Variants in PRUNE2 observed in about 807,000 individuals in gnomAD.
PRUNE2 encodes protein prune homolog 2.
Under a neutral mutation model 252.0 loss-of-function variants are expected in PRUNE2, and 164 were observed. The ratio of observed to expected loss-of-function variants is 0.65; its 90% CI spans 0.57 to 0.74. PRUNE2 has a LOEUF of 0.74. Ranked by LOEUF, PRUNE2 falls within the 30% of genes least tolerant of loss-of-function variation. PRUNE2 has a pLI of 0.00. For missense variants in PRUNE2, 3,495 were observed against 3,711.0 expected, an observed-to-expected ratio of 0.94 and a Z score of 1.51; for synonymous variants, 1,292 against 1,350.2, an observed-to-expected ratio of 0.96 and a Z score of 0.94.
intron 4 of PRUNE2, among the ~76,000 whole-genome samples, chr9:76,843,983 C>G (rs1385479103): frequency 6.6e-6 from 1 of 152,216 alleles, no homozygotes; most frequent in Non-Finnish European, 1.5e-5. Context: ...CCTCCTCAGC[C>G]TCCCAAAGTG....
At chr9:76,776,937 C>CAG (rs1374469131) in intron 6 of PRUNE2, among the ~76,000 whole-genome samples, 1,346 of 128,604 alleles carry the variant, frequency 0.01, 35 homozygotes, top group African/African-American at 0.031. Flanking sequence ...CACACACACA[C>CAG]ACACACACAA....
rs2044781238 is a variant in PRUNE2, at chr9:76,691,923, G to T, written c.8276+11414C>A. ...CAGCTGGCAGCTGTCAGTTGCAAGG[G>T]GCTGGGCAGAATTCGGCATCCTCTC... On this transcript the variant is annotated intron_variant, in intron 9 of 18. Coordinates refer to ENST00000376718, the MANE Select transcript of PRUNE2 (RefSeq NM_015225.3). The T allele has an allele frequency of 1.4e-5, 9 of 626,578 alleles. No homozygotes were observed. The South Asian group carries it at 1.7e-4, about 12-fold the overall frequency. The allele number at this position is 626,578 out of a possible 1,614,324, so 38.8% of individuals were successfully genotyped here.
chr9:76,893,065 C>T (rs1036463282), intron 1 of PRUNE2, among the ~76,000 whole-genome samples: 1 of 152,128 alleles, frequency 6.6e-6, no homozygotes, highest in Admixed American at 6.5e-5. Flanking sequence ...CATAATGAGA[C>T]CTTGTCTCTA....
chr9:76,794,432 C>G lies in PRUNE2; in HGVS notation c.756+29200G>C, dbSNP rs111698663. Reference sequence around the variant, plus strand: ...GAGATCGAGGTCATCCTGGCCAACACAGTGAAACCCTGTCTCTACTAAAAA... The same window carrying G: ...GAGATCGAGGTCATCCTGGCCAACAGAGTGAAACCCTGTCTCTACTAAAAA... On this transcript the variant is annotated intron_variant, in intron 6 of 18. Transcript: ENST00000376718. Among the ~76,000 whole-genome samples the G allele has an allele frequency of 5.2e-3, 792 of 151,932 alleles. 9 individuals carry two copies. The highest frequency in any genetic ancestry group is 0.018 in the African/African-American group (741 of 41,466).
At chr9:76,853,525 G>A (rs540737834) in intron 2 of PRUNE2, among the ~76,000 whole-genome samples, 14 of 152,290 alleles carry the variant, frequency 9.2e-5, no homozygotes, top group African/African-American at 2.4e-4. Context: ...ATGCTTCACA[G>A]AATAGAAAGA....
chr9:76,816,840 G>T (rs991825538), intron 6 of PRUNE2, among the ~76,000 whole-genome samples: 1 of 152,008 alleles, frequency 6.6e-6, no homozygotes, highest in African/African-American at 2.4e-5. Flanking sequence ...CCACATCCTT[G>T]AATTCTAGAG....
At chr9:76,737,974 T>A (rs1419142223) in intron 6 of PRUNE2, 1 of 152,242 alleles carries the variant, frequency 6.6e-6, no homozygotes, top group African/African-American at 2.4e-5. Context: ...GCCTAAGACT[T>A]CTTCTTTTAA....
At chr9:76,750,378 G>A (rs2050508021) in intron 6 of PRUNE2, among the ~76,000 whole-genome samples, 1 of 152,170 alleles carries the variant, frequency 6.6e-6, no homozygotes, top group Non-Finnish European at 1.5e-5. Context: ...GGTAAACAGT[G>A]TCTGAATTTA....
At chr9:76,717,529 G>A (rs2047257017) in intron 6 of PRUNE2, among the ~76,000 whole-genome samples, 1 of 152,032 alleles carries the variant, frequency 6.6e-6, no homozygotes, top group Admixed American at 6.6e-5. Flanking sequence ...TTAGTTACAT[G>A]TATACAAATA....
intron 2 of PRUNE2, among the ~76,000 whole-genome samples, chr9:76,852,292 C>T (rs2060003937): frequency 1.3e-5 from 2 of 152,220 alleles, no homozygotes; most frequent in African/African-American, 4.8e-5. Context: ...GTTATTTTTC[C>T]TAATGAATGG....
chr9:76,715,877 A>G (rs1018867147), intron 6 of PRUNE2, among the ~76,000 whole-genome samples: 3 of 152,338 alleles, frequency 2.0e-5, no homozygotes, highest in African/African-American at 7.2e-5. Context: ...AAAAAAAGAT[A>G]TAGCCCTGAA....
At chr9:76,865,291 G>A (rs377094056) in intron 1 of PRUNE2, among the ~76,000 whole-genome samples, 5 of 152,138 alleles carry the variant, frequency 3.3e-5, no homozygotes, top group Admixed American at 6.5e-5. Context: ...TCAGGAGTTC[G>A]AGACCAGCCT....
chr9:76,692,000 T>C (rs931440466), intron 9 of PRUNE2: 1 of 707,256 alleles, frequency 1.4e-6, no homozygotes, highest in Non-Finnish European at 2.6e-6. Context: ...GATTAGTCTT[T>C]GAGAACAACA....
chr9:76,704,906 A>G lies in PRUNE2; in HGVS notation c.7368T>C (p.Ala2456=), dbSNP rs2046202046. 4 of 1,611,074 alleles carry G rather than the reference A, an allele frequency of 2.5e-6. No individual in the cohort carries two copies. Among genetic ancestry groups the G allele is most frequent in the Non-Finnish European group, 3.4e-6 (4 of 1,178,444 alleles). The change falls in exon 8 of 19, where the codon GCT becomes GCC. Residue 2456 remains alanine (A), a synonymous_variant. Transcript: ENST00000376718. ...CAGGGTCTTCACGAATATGCAGCAC[A>G]GCCAGCTGGGATCCAGGCAGTCTGT... ...TKNRLPGSQL[A]VLHIREDPES...
Position 76,706,822 on chromosome 9 carries a change from C to A in PRUNE2, c.5452G>T (p.Glu1818Ter), listed in dbSNP as rs374579115. The A allele has an allele frequency of 1.9e-6, 3 of 1,599,320 alleles. No homozygotes were observed. Among genetic ancestry groups the A allele is most frequent in the Non-Finnish European group, 2.6e-6 (3 of 1,172,976 alleles). Residue 1818 changes from glutamate (E) to a stop codon, truncating the protein, a stop_gained, in exon 8 of 19, where the codon GAA becomes TAA. Transcript: ENST00000376718. LOFTEE classifies it high-confidence loss of function. ...FPKNEDNSQL[E>*]MLGFSADSTE... Reference sequence around the variant, plus strand: ...CTATCAGCTGAGAAGCCCAGCATTTCCAGTTGAGAATTATCTTCGTTCTTT... The same window carrying A: ...CTATCAGCTGAGAAGCCCAGCATTTACAGTTGAGAATTATCTTCGTTCTTT...
rs1158480313 is a variant in PRUNE2 at position 76,717,563 on chromosome 9, T to A, written c.757-3842A>T. 2.0e-5 allele frequency among the ~76,000 whole-genome samples: 3 copies of A among 152,134 alleles called. No individual in the cohort carries two copies. The East Asian group carries it at 5.8e-4, about 29-fold the overall frequency. On this transcript the variant is annotated intron_variant, in intron 6 of 18. Coordinates refer to ENST00000376718, the MANE Select transcript of PRUNE2 (RefSeq NM_015225.3). ...TACTATTTGTTAATCTGCTCAAATG[T>A]CTCCAAAATGTTCCCCCCACTTAAA...
At position 76,849,465 on chromosome 9, in the gene PRUNE2, C is replaced by A. The variant is rs892992418; in HGVS notation, c.344+998G>T. On this transcript the variant is annotated intron_variant, in intron 3 of 18. Transcript: ENST00000376718. ...CAGTGTTTAATTTCAATTTTTAATACACATGTTTGGCATCAATACATAAGA... is the reference window on the plus strand; with the variant it reads ...CAGTGTTTAATTTCAATTTTTAATAAACATGTTTGGCATCAATACATAAGA... 1.0e-4 allele frequency among the ~76,000 whole-genome samples: 14 copies of A among 135,434 alleles called. 1 individual carries two copies. The highest frequency in any genetic ancestry group is 6.1e-5 in the Non-Finnish European group (4 of 65,058). 88.8% of individuals were successfully genotyped at this position (135,434 alleles called of 152,430 possible). A position where few individuals can be genotyped will look rare whatever the true frequency, so the allele number is the denominator to read the frequency against.
intron 6 of PRUNE2, among the ~76,000 whole-genome samples, chr9:76,790,564 C>T (rs2055453578): frequency 1.3e-5 from 2 of 152,196 alleles, no homozygotes; most frequent in South Asian, 4.1e-4. Context: ...ACTTCCCACC[C>T]TGACTCCCAG....
intron 1 of PRUNE2, among the ~76,000 whole-genome samples, chr9:76,887,519 A>T (rs1311455787): frequency 1.3e-5 from 2 of 152,202 alleles, no homozygotes; most frequent in African/African-American, 4.8e-5. Context: ...CGGTGCCATA[A>T]AACTTTCAGT....
Sources: allele counts gnomAD v4.1 joint callset (sites outside exome capture counted in the v4.1 genomes callset), GRCh38; gene constraint gnomAD v4.1.1; transcripts MANE v1.5; gene names NCBI Gene and HGNC (gene_info 2026-07-23, HGNC 2026-07-21).